The following TECTB variants were observed in gnomAD, a reference collection of about 807,000 sequenced individuals.
The protein encoded by TECTB is beta-tectorin.
A neutral mutation model predicts 43.3 loss-of-function variants in TECTB; 45 were observed. The ratio of observed to expected loss-of-function variants is 1.04; its 90% CI spans 0.82 to 1.33. TECTB has a LOEUF of 1.33. TECTB is among the 40% of genes most tolerant of loss of function. The pLI is 0.00. For missense variants in TECTB, 399 were observed against 404.7 expected (o/e 0.99, Z 0.12); for synonymous variants, 169 against 156.7 (o/e 1.08, Z -0.59).
At chr10:112,286,884 T>C (rs1490959980) in intron 5 of TECTB, among the ~76,000 whole-genome samples, 1 of 152,138 alleles carries the variant, frequency 6.6e-6, no homozygotes, top group East Asian at 1.9e-4. Flanking sequence ...ATCACACCAC[T>C]GCACTCCAGC....
At chr10:112,287,967 C>T (rs189172603) in intron 5 of TECTB, among the ~76,000 whole-genome samples, 1 of 152,278 alleles carries the variant, frequency 6.6e-6, no homozygotes, top group East Asian at 1.9e-4. Flanking sequence ...AGGGAATCCA[C>T]GTAGCCCTTG....
chr10:112,292,391 C>T (rs551995634), intron 5 of TECTB, among the ~76,000 whole-genome samples: 1 of 152,196 alleles, frequency 6.6e-6, no homozygotes, highest in Non-Finnish European at 1.5e-5. Flanking sequence ...CTCCTTGCTG[C>T]CCCACTGCAC....
At chr10:112,294,088 T>G in intron 7 of TECTB, 27 bp downstream of exon 7, 1 of 1,600,320 alleles carries the variant, frequency 6.2e-7, no homozygotes, top group South Asian at 1.1e-5. Context: ...GAGACAGGGC[T>G]GAACAGTGGA....
chr10:112,303,245 T>A lies in TECTB; in HGVS notation c.941-18T>A. 6.2e-7 allele frequency: 1 copy of A among 1,613,986 alleles called. No homozygotes were observed. Among genetic ancestry groups the A allele is most frequent in the Non-Finnish European group, 8.5e-7 (1 of 1,179,900 alleles). ...GAACTGTCTCTGAGTGCCATCTCCC[T>A]CCCCTTCTGGTCCACAGATGTTCTC... is the stretch of plus-strand genomic sequence containing the variant. On this transcript the variant is annotated intron_variant, in intron 10 of 10. Coordinates refer to ENST00000646139, the MANE Select transcript of TECTB (RefSeq NM_058222.3).
At chr10:112,292,629 G>A (rs1337921388) in intron 5 of TECTB, among the ~76,000 whole-genome samples, 1 of 151,862 alleles carries the variant, frequency 6.6e-6, no homozygotes, top group African/African-American at 2.4e-5. Flanking sequence ...TTTTTAACAG[G>A]GACAGGGTTT....
chr10:112,285,942 C>T (rs542147099), intron 3 of TECTB, 129 bp from the exon 4 acceptor site: 81 of 1,165,106 alleles, frequency 7.0e-5, no homozygotes, highest in South Asian at 1.7e-4. Context: ...TGGATGCCAC[C>T]GTCAGTGGCA....
chr10:112,289,591 T>A (rs1023546113), intron 5 of TECTB, among the ~76,000 whole-genome samples: 1 of 152,232 alleles, frequency 6.6e-6, no homozygotes, highest in African/African-American at 2.4e-5. Context: ...TGAAATAATA[T>A]CATATAATTA....
At chr10:112,300,220 C>CAGAAAGAAAGAA (rs1176838529) in intron 9 of TECTB, among the ~76,000 whole-genome samples, 1 of 46,134 alleles carries the variant, frequency 2.2e-5, no homozygotes, top group Non-Finnish European at 4.5e-5. Flanking sequence ...GACAGACAGA[C>CAGAAAGAAAGAA]AGAAAGAAAT....
intron 9 of TECTB, 48 bp downstream of exon 9, chr10:112,299,612 T>C: frequency 6.3e-7 from 1 of 1,599,376 alleles, no homozygotes; most frequent in Non-Finnish European, 8.6e-7. Flanking sequence ...GAGTTCACGC[T>C]GGGCTGCGTC....
chr10:112,300,202 G>A (rs1199766236), intron 9 of TECTB, among the ~76,000 whole-genome samples: 2 of 114,314 alleles, frequency 1.7e-5, no homozygotes, highest in Non-Finnish European at 3.7e-5. Context: ...AAGAAAGAAA[G>A]AGAGACAGAC....
chr10:112,292,084 C>T (rs1280682115), intron 5 of TECTB, among the ~76,000 whole-genome samples: 6 of 150,494 alleles, frequency 4.0e-5, no homozygotes, highest in Admixed American at 2.7e-4. Flanking sequence ...CACAATGAGC[C>T]GAGATCGCGC....
chr10:112,293,397 T>C (rs112748852), intron 5 of TECTB, among the ~76,000 whole-genome samples: 34 of 152,226 alleles, frequency 2.2e-4, no homozygotes, highest in Non-Finnish European at 4.1e-4. Flanking sequence ...AGTCCCTGTG[T>C]CCTTGGGCGA....
At chr10:112,297,965 G>A in intron 7 of TECTB, 104 bp from the exon 8 acceptor site, 3 of 1,494,022 alleles carry the variant, frequency 2.0e-6, no homozygotes, top group South Asian at 2.4e-5. Flanking sequence ...GGGAAGGTTA[G>A]AGGTCATATA....
chr10:112,290,140 C>T (rs573589028), intron 5 of TECTB, among the ~76,000 whole-genome samples: 37 of 152,208 alleles, frequency 2.4e-4, no homozygotes, highest in African/African-American at 7.2e-4. Context: ...AATCTTGCAC[C>T]GCTCACTCTG....
chr10:112,289,160 C>T (rs1488098023), intron 5 of TECTB, among the ~76,000 whole-genome samples: 3 of 152,106 alleles, frequency 2.0e-5, no homozygotes, highest in Non-Finnish European at 4.4e-5. Flanking sequence ...AAGTTAAGTA[C>T]CCAAGAAAGT....
At position 112,285,840 on chromosome 10, in the gene TECTB, C is replaced by T. The variant is rs576718589; in HGVS notation, c.268-231C>T. On this transcript the variant is annotated intron_variant, in intron 3 of 10. Transcript: ENST00000646139. ...GGGTACATGGAGATTTTTAAGCATA[C>T]GACATCAACCTAGATCATTTTTAAA... Among the ~76,000 whole-genome samples the T allele has an allele frequency of 5.3e-5, 8 of 152,250 alleles. No homozygotes were observed. The South Asian group carries it at 6.2e-4, about 12-fold the overall frequency.
In TECTB at chr10:112,298,094, G is replaced by C; in HGVS notation, c.697G>C (p.Val233Leu). The C allele has an allele frequency of 6.2e-7, 1 of 1,614,130 alleles. No individual in the cohort carries two copies. The highest frequency in any genetic ancestry group is 8.5e-7 in the Non-Finnish European group (1 of 1,180,036). The stretch of plus-strand genomic sequence containing the variant: ...CTGCCCCACGGATGAAACCGTCCTC[G>C]TGCATGAGAATGGGAGAGATCACAG... ...KGCPTDETVL[V>L]HENGRDHRAT... Residue 233 changes from valine to leucine, a missense_variant, in exon 8 of 11, where the codon GTG (valine) becomes CTG (leucine). Val to Leu is a conservative substitution (Grantham distance 32, BLOSUM62 1). Coordinates refer to ENST00000646139, the MANE Select transcript of TECTB (RefSeq NM_058222.3).
rs567602386 is a variant in TECTB, at chr10:112,294,142, T to C, written c.671+81T>C. 9.7e-4 allele frequency: 1,304 copies of C among 1,338,584 alleles called. 3 individuals carry two copies. Among genetic ancestry groups the C allele is most frequent in the Non-Finnish European group, 1.3e-3 (1,182 of 939,696 alleles). 82.9% of individuals were successfully genotyped at this position (1,338,584 alleles called of 1,614,324 possible). A position where few individuals can be genotyped will look rare whatever the true frequency, so the allele number is the denominator to read the frequency against. Reference sequence around the variant, plus strand: ...TACTTTGCTCTGGCTTGGGAAAGCTTGGGAGGAAGAGGTGAAGCCTGCTGG... The same window carrying C: ...TACTTTGCTCTGGCTTGGGAAAGCTCGGGAGGAAGAGGTGAAGCCTGCTGG... On this transcript the variant is annotated intron_variant, in intron 7 of 10. Coordinates refer to ENST00000646139, the MANE Select transcript of TECTB (RefSeq NM_058222.3).
rs1027514025 is a variant in TECTB, at chr10:112,303,549, G to C, written c.*237G>C. 7 of 540,566 alleles carry C rather than the reference G, an allele frequency of 1.3e-5. No individual in the cohort carries two copies. The highest frequency in any genetic ancestry group is 3.8e-5 in the African/African-American group (2 of 53,114). The allele number at this position is 540,566 out of a possible 1,614,324, so 33.5% of individuals were successfully genotyped here. On this transcript the variant is annotated 3_prime_UTR_variant, in exon 11 of 11. Transcript: ENST00000646139. ...TAGATCTCACAGTCCTTCTACAGCTGGGGGAGGAGCCTCCTTTCTCCATAC... is the reference window on the plus strand; with the variant it reads ...TAGATCTCACAGTCCTTCTACAGCTCGGGGAGGAGCCTCCTTTCTCCATAC...
Sources: allele counts gnomAD v4.1 joint callset (sites outside exome capture counted in the v4.1 genomes callset), GRCh38; gene constraint gnomAD v4.1.1; transcripts MANE v1.5; gene names NCBI Gene and HGNC (gene_info 2026-07-23, HGNC 2026-07-21).